QNG1: variants seen among roughly 807,000 people sequenced by gnomAD.
QNG1 encodes queuosine 5'-phosphate N-glycosylase/hydrolase.
At chr9:83,956,553 G>A in the QNG1 span, 148 of 1,454,426 alleles carry the variant, frequency 1.0e-4, no homozygotes, top group African/African-American at 2.0e-3. Flanking sequence ...GGCGGGTCAA[G>A]GTCCACTCTG....
the QNG1 span, among the ~76,000 whole-genome samples, chr9:83,942,126 C>T: frequency 6.6e-6 from 1 of 152,184 alleles, no homozygotes; most frequent in Non-Finnish European, 1.5e-5. Context: ...AGAACTGTGA[C>T]ACAATACATT....
chr9:83,956,267 A>C, the QNG1 span: 6 of 1,614,108 alleles, frequency 3.7e-6, no homozygotes, highest in Non-Finnish European at 4.2e-6. Flanking sequence ...GCTCCGACCA[A>C]AAGGAGAAGT....
the QNG1 span, among the ~76,000 whole-genome samples, chr9:83,952,806 AAAAAAAC>A: frequency 1.3e-5 from 2 of 151,102 alleles, no homozygotes; most frequent in Admixed American, 6.6e-5. Context: ...AAAAAAAAAA[AAAAAAAC>A]AAAAATTAGC....
At chr9:83,945,125 C>T in the QNG1 span, 21 of 726,566 alleles carry the variant, frequency 2.9e-5, no homozygotes, top group African/African-American at 1.7e-4. Context: ...ATAGATTGGC[C>T]GGGCACCATG....
chr9:83,950,954 G>T, the QNG1 span, among the ~76,000 whole-genome samples: 6 of 152,054 alleles, frequency 3.9e-5, no homozygotes, highest in Non-Finnish European at 8.8e-5. Context: ...TAAATAGAAA[G>T]TTCAAGGATT....
chr9:83,939,786 T>C, the QNG1 span: 3 of 1,312,740 alleles, frequency 2.3e-6, no homozygotes, highest in Admixed American at 3.4e-5. Flanking sequence ...TAGTCAATGA[T>C]ACATAATCTA....
chr9:83,940,781 C>G, the QNG1 span, among the ~76,000 whole-genome samples: 1 of 152,226 alleles, frequency 6.6e-6, no homozygotes, highest in East Asian at 1.9e-4. Flanking sequence ...GGCCACCAAA[C>G]TGCACCCATG....
At chr9:83,940,411 G>A in the QNG1 span, among the ~76,000 whole-genome samples, 1 of 151,998 alleles carries the variant, frequency 6.6e-6, no homozygotes, top group Non-Finnish European at 1.5e-5. Flanking sequence ...CCGAGATCAC[G>A]CCATTGCACT....
At chr9:83,944,338 A>T in the QNG1 span, among the ~76,000 whole-genome samples, 1 of 152,214 alleles carries the variant, frequency 6.6e-6, no homozygotes, top group African/African-American at 2.4e-5. Context: ...AATCATATCC[A>T]ATAATGGCGA....
the QNG1 span, chr9:83,955,610 G>A: frequency 1.7e-5 from 27 of 1,613,864 alleles, no homozygotes; most frequent in Middle Eastern, 1.6e-4. Flanking sequence ...GGTCACTGTC[G>A]CGTAGTACGA....
the QNG1 span, chr9:83,953,501 C>T: frequency 3.9e-6 from 1 of 253,836 alleles, no homozygotes; most frequent in South Asian, 4.5e-5. Context: ...GCACCCACCA[C>T]CACACCCGGC....
the QNG1 span, chr9:83,956,136 T>C: frequency 6.2e-7 from 1 of 1,602,898 alleles, no homozygotes; most frequent in Non-Finnish European, 8.5e-7. Flanking sequence ...CAAAGGCCGT[T>C]AGGTCCGATG....
At chr9:83,956,597 G>T in the QNG1 span, 1 of 1,044,558 alleles carries the variant, frequency 9.6e-7, no homozygotes, top group Non-Finnish European at 1.4e-6. Flanking sequence ...GCGATCACAG[G>T]GCCTAAACAA....
chr9:83,948,200 C>G, the QNG1 span, among the ~76,000 whole-genome samples: 1 of 150,870 alleles, frequency 6.6e-6, no homozygotes, highest in Non-Finnish European at 1.5e-5. Context: ...CTCTGCCCGA[C>G]CGCCACCCCG....
chr9:83,948,517 G>C, the QNG1 span, among the ~76,000 whole-genome samples: 2 of 142,522 alleles, frequency 1.4e-5, no homozygotes, highest in Admixed American at 1.4e-4. Flanking sequence ...CCGGGAGGGG[G>C]GGGGCGCCTC....
chr9:83,952,463 C>A, the QNG1 span, among the ~76,000 whole-genome samples: 1 of 152,002 alleles, frequency 6.6e-6, no homozygotes, highest in Non-Finnish European at 1.5e-5. Flanking sequence ...AGTTCAAGAT[C>A]AGCCTGGCCA....
At chr9:83,944,340 T>A in the QNG1 span, among the ~76,000 whole-genome samples, 1 of 152,182 alleles carries the variant, frequency 6.6e-6, no homozygotes, top group Non-Finnish European at 1.5e-5. Flanking sequence ...TCATATCCAA[T>A]AATGGCGAAT....
chr9:83,946,163 G>T, the QNG1 span, among the ~76,000 whole-genome samples: 1 of 151,806 alleles, frequency 6.6e-6, no homozygotes, highest in African/African-American at 2.4e-5. Context: ...AAATTAGCTG[G>T]GTGTGGTGGC....
At chr9:83,939,731 G>A in the QNG1 span, 2 of 1,613,664 alleles carry the variant, frequency 1.2e-6, no homozygotes, top group Non-Finnish European at 1.7e-6. Context: ...GTCTCCATAT[G>A]AGAGCATTTC....
Sources: gnomAD v4.1 joint callset for allele counts (sites outside exome capture counted in the v4.1 genomes callset) on GRCh38, gnomAD v4.1.1 for gene constraint, MANE v1.5 for transcripts, NCBI Gene and HGNC (gene_info 2026-07-23, HGNC 2026-07-21) for gene names.